CNTRL: variants seen among roughly 807,000 people sequenced by gnomAD.
CNTRL encodes centriolin, also known as 110 kDa centrosomal protein.
A neutral mutation model predicts 303.7 loss-of-function variants in CNTRL; 233 were observed. That is an observed-to-expected ratio of 0.77 (90% CI 0.69 to 0.86). The LOEUF (loss-of-function observed/expected upper bound fraction) is 0.86, where lower values mean the gene tolerates loss of function less well. Ranked by LOEUF, CNTRL falls within the 40% of genes least tolerant of loss-of-function variation. The pLI is 0.00. For synonymous variants in CNTRL, 900 were observed against 922.2 expected (o/e 0.98, Z 0.44); for missense variants, 2,524 against 2,650.6 (o/e 0.95, Z 1.05).
intron 12 of CNTRL, chr9:121,122,026 C>T: frequency 1.5e-6 from 1 of 682,018 alleles, no homozygotes; most frequent in Non-Finnish European, 1.8e-6. Flanking sequence ...CCTGTTTTTA[C>T]AATAACTCTT....
chr9:121,108,900 TTAA>T (rs2049610585), intron 8 of CNTRL, among the ~76,000 whole-genome samples: 1 of 152,336 alleles, frequency 6.6e-6, no homozygotes, highest in South Asian at 2.1e-4. Flanking sequence ...TCCCCAGATA[TTAA>T]TACTTTGTTT....
chr9:121,155,806 G>A (rs1170452474), intron 27 of CNTRL, among the ~76,000 whole-genome samples: 1 of 152,122 alleles, frequency 6.6e-6, no homozygotes, highest in Non-Finnish European at 1.5e-5. Flanking sequence ...CTCATTACTG[G>A]CCCAGAGTCA....
chr9:121,100,797 T>A (rs1050910732), intron 7 of CNTRL, among the ~76,000 whole-genome samples: 7 of 151,606 alleles, frequency 4.6e-5, no homozygotes, highest in Admixed American at 3.9e-4. Flanking sequence ...CCAACAAAGA[T>A]CAAAAGAGAC....
intron 1 of CNTRL, among the ~76,000 whole-genome samples, chr9:121,077,806 C>T (rs1053178129): frequency 2.0e-5 from 3 of 149,110 alleles, no homozygotes; most frequent in African/African-American, 4.9e-5. Context: ...ATTAGCCAAG[C>T]GTGGTTATAT....
intron 5 of CNTRL, among the ~76,000 whole-genome samples, chr9:121,096,136 G>A (rs1456037283): frequency 1.3e-5 from 2 of 152,126 alleles, no homozygotes; most frequent in South Asian, 2.1e-4. Context: ...CACAGTAGTC[G>A]GTGAGAATGC....
chr9:121,131,609 T>A (rs1418718762), intron 14 of CNTRL, among the ~76,000 whole-genome samples: 1 of 152,242 alleles, frequency 6.6e-6, no homozygotes, highest in Admixed American at 6.5e-5. Flanking sequence ...TGTCTTTTAA[T>A]TGGGGGCATT....
In CNTRL at chr9:121,115,210, A is replaced by G; in HGVS notation, c.1455+10A>G. 7.3e-7 allele frequency: 1 copy of G among 1,368,502 alleles called. No individual in the cohort carries two copies. Among genetic ancestry groups the G allele is most frequent in the Admixed American group, 1.8e-5 (1 of 55,598 alleles). 84.8% of individuals were successfully genotyped at this position (1,368,502 alleles called of 1,614,324 possible). A position where few individuals can be genotyped will look rare whatever the true frequency, so the allele number is the denominator to read the frequency against. On this transcript the variant is annotated intron_variant, in intron 11 of 43. Coordinates refer to ENST00000373855, the MANE Select transcript of CNTRL (RefSeq NM_007018.6). ...TATACAACTAAAAAAGGTATGTAAA[A>G]GCAAAGCAGCAATGCTAAGAGGAAA...
Position 121,135,931 on chromosome 9 carries a change from T to A in CNTRL, c.2151T>A (p.Ala717=). The A allele has an allele frequency of 6.2e-7, 1 of 1,613,594 alleles. No homozygotes were observed. Among genetic ancestry groups the A allele is most frequent in the Non-Finnish European group, 8.5e-7 (1 of 1,179,632 alleles). Residue 717 remains alanine (A), a synonymous_variant, in exon 15 of 44, where the codon GCT becomes GCA. Transcript: ENST00000373855. ...ELEARLNLRD[A]EANQLKEELE... ...AGGCTCGGCTAAACCTAAGGGATGC[T>A]GAAGCCAACCAGCTCAAGGAAGAGT...
In CNTRL at chr9:121,169,480, G is replaced by C. The variant is rs562694011; in HGVS notation, c.6071-131G>C. ...GGTGTGGGTCAGGGTAGGCTTGTAC[G>C]ACTTTGTAATGGAGGAAAGCACCTG... On this transcript the variant is annotated intron_variant, in intron 38 of 43. Coordinates refer to ENST00000373855, the MANE Select transcript of CNTRL (RefSeq NM_007018.6). 2,032 of 878,668 alleles carry C rather than the reference G, an allele frequency of 2.3e-3. 8 individuals are homozygous for C. The highest frequency in any genetic ancestry group is 4.6e-3 in the Middle Eastern group (13 of 2,842). 54.4% of individuals were successfully genotyped at this position (878,668 alleles called of 1,614,324 possible).
At chr9:121,147,549 T>A (rs1300554769) in intron 23 of CNTRL, among the ~76,000 whole-genome samples, 1 of 151,620 alleles carries the variant, frequency 6.6e-6, no homozygotes, top group African/African-American at 2.4e-5. Flanking sequence ...AAAGAGGAGA[T>A]GAGATTAAAG....
chr9:121,145,077 A>G (rs2051760743), intron 21 of CNTRL, 118 bp downstream of exon 21: 2 of 1,123,924 alleles, frequency 1.8e-6, no homozygotes, highest in East Asian at 2.4e-5. Flanking sequence ...GTTAATAAGT[A>G]CTTTATCCTC....
At chr9:121,114,962 T>G in intron 10 of CNTRL, 129 bp from the exon 11 acceptor site, 1 of 540,096 alleles carries the variant, frequency 1.9e-6, no homozygotes. Context: ...AAAATTTTTT[T>G]GTGAGATATA....
intron 12 of CNTRL, among the ~76,000 whole-genome samples, chr9:121,122,134 T>C (rs1272231794): frequency 6.6e-6 from 1 of 152,242 alleles, no homozygotes; most frequent in Non-Finnish European, 1.5e-5. Flanking sequence ...TTATCCTGCG[T>C]ATAAAGGTTT....
intron 30 of CNTRL, among the ~76,000 whole-genome samples, chr9:121,158,432 C>T (rs923272057): frequency 3.9e-5 from 6 of 151,972 alleles, no homozygotes; most frequent in African/African-American, 9.7e-5. Flanking sequence ...CTTCCTTTTG[C>T]ATATCTGCAT....
intron 1 of CNTRL, among the ~76,000 whole-genome samples, chr9:121,077,262 A>C (rs2047962530): frequency 6.6e-6 from 1 of 150,438 alleles, no homozygotes; most frequent in African/African-American, 2.5e-5. Flanking sequence ...CTGCTCCTTT[A>C]CTCGCCCTAG....
chr9:121,109,007 T>G (rs1036580311), intron 8 of CNTRL, among the ~76,000 whole-genome samples: 2 of 152,138 alleles, frequency 1.3e-5, no homozygotes, highest in African/African-American at 4.8e-5. Flanking sequence ...AAAAAAGGAA[T>G]GTTACTGTAT....
intron 2 of CNTRL, among the ~76,000 whole-genome samples, chr9:121,082,892 C>T (rs1313896104): frequency 4.0e-5 from 6 of 150,918 alleles, no homozygotes; most frequent in African/African-American, 1.5e-4. Context: ...ATCGCTTGAA[C>T]CCAGGAGGTG....
intron 10 of CNTRL, 46 bp downstream of exon 10, chr9:121,113,770 A>G (rs758654056): frequency 9.3e-6 from 12 of 1,292,538 alleles, no homozygotes; most frequent in Non-Finnish European, 1.0e-6. Flanking sequence ...ATATGAAAAC[A>G]TTGAATATGT....
intron 12 of CNTRL, among the ~76,000 whole-genome samples, chr9:121,119,109 TAC>T (rs1374597674): frequency 3.3e-5 from 5 of 151,216 alleles, no homozygotes; most frequent in South Asian, 2.1e-4. Context: ...TGTGTGTGTA[TAC>T]ACACACATAT....
Sources: allele counts gnomAD v4.1 joint callset (sites outside exome capture counted in the v4.1 genomes callset), GRCh38; gene constraint gnomAD v4.1.1; transcripts MANE v1.5; gene names NCBI Gene and HGNC (gene_info 2026-07-23, HGNC 2026-07-21).